ZNF385D: variants seen among roughly 807,000 people sequenced by gnomAD.
ZNF385D encodes the protein zinc finger protein 659.
In ZNF385D, 15 loss-of-function variants were observed where a neutral mutation model predicts 35.8. That is an observed-to-expected ratio of 0.42 (90% CI 0.28 to 0.64). The LOEUF is 0.64. Ranked by LOEUF, ZNF385D falls within the 30% of genes least tolerant of loss-of-function variation. The pLI is 0.23. For missense variants in ZNF385D, 474 were observed against 494.6 expected (o/e 0.96, Z 0.39); for synonymous variants, 212 against 186.8 (o/e 1.13, Z -1.10).
intron 2 of ZNF385D, among the ~76,000 whole-genome samples, chr3:22,201,466 G>A (rs553982814): frequency 1.5e-4 from 23 of 152,088 alleles, no homozygotes; most frequent in South Asian, 8.3e-4. Context: ...TCTTTTATAC[G>A]TCGGAAATAA....
intron 3 of ZNF385D, among the ~76,000 whole-genome samples, chr3:22,026,522 A>G (rs1697562305): frequency 6.6e-6 from 1 of 152,262 alleles, no homozygotes; most frequent in South Asian, 2.1e-4. Context: ...GACTTATGGA[A>G]GTCAGACAAT....
At chr3:21,844,233 G>A (rs1269572702) in intron 3 of ZNF385D, among the ~76,000 whole-genome samples, 3 of 151,852 alleles carry the variant, frequency 2.0e-5, no homozygotes, top group Non-Finnish European at 4.4e-5. Flanking sequence ...AAGAGAGGAG[G>A]GTTTTTGTTA....
intron 3 of ZNF385D, among the ~76,000 whole-genome samples, chr3:22,046,917 T>C (rs925708665): frequency 6.6e-6 from 1 of 152,136 alleles, no homozygotes; most frequent in Non-Finnish European, 1.5e-5. Context: ...TACTATACTA[T>C]ATAAGATTCA....
chr3:22,032,761 T>C (rs751501772), intron 3 of ZNF385D, among the ~76,000 whole-genome samples: 1 of 152,174 alleles, frequency 6.6e-6, no homozygotes, highest in Non-Finnish European at 1.5e-5. Flanking sequence ...TCACGATTAA[T>C]AATACTAATG....
chr3:22,283,516 C>G (rs903158192), intron 2 of ZNF385D, among the ~76,000 whole-genome samples: 2 of 152,214 alleles, frequency 1.3e-5, no homozygotes, highest in Non-Finnish European at 1.5e-5. Flanking sequence ...TAATTCATGT[C>G]TCTTTCAGTT....
chr3:21,565,623 C>G (rs906283182), intron 2 of ZNF385D, among the ~76,000 whole-genome samples: 1 of 152,118 alleles, frequency 6.6e-6, no homozygotes, highest in Admixed American at 6.6e-5. Context: ...TGTGATAATT[C>G]ATGAAATTTA....
At chr3:22,186,062 C>G (rs746363553) in intron 2 of ZNF385D, among the ~76,000 whole-genome samples, 1 of 152,108 alleles carries the variant, frequency 6.6e-6, no homozygotes, top group Non-Finnish European at 1.5e-5. Context: ...TGGACAAACA[C>G]TCACACACTC....
chr3:22,219,591 A>C (rs1323344990), intron 2 of ZNF385D, among the ~76,000 whole-genome samples: 1 of 152,170 alleles, frequency 6.6e-6, no homozygotes, highest in Admixed American at 6.5e-5. Flanking sequence ...CCTCATCTGA[A>C]ACCCGTAGGA....
Position 22,246,314 on chromosome 3 carries a change from G to T in ZNF385D, c.107-77279C>A, listed in dbSNP as rs79842010. Reference sequence around the variant, plus strand: ...TAGAAGGATGGCACGCAAATTTTTTGGTTGACCTCTGTCTACTCTGAAGCA... The same window carrying T: ...TAGAAGGATGGCACGCAAATTTTTTTGTTGACCTCTGTCTACTCTGAAGCA... On this transcript the variant is annotated intron_variant, in intron 2 of 5. Coordinates refer to the ZNF385D transcript ENST00000494108. Among the ~76,000 whole-genome samples the T allele has an allele frequency of 6.0e-3, 908 of 152,036 alleles. 6 individuals carry two copies. Among genetic ancestry groups the T allele is most frequent in the African/African-American group, 0.021 (859 of 41,490 alleles).
At chr3:22,083,082 C>T (rs983663324) in intron 3 of ZNF385D, among the ~76,000 whole-genome samples, 11 of 152,208 alleles carry the variant, frequency 7.2e-5, no homozygotes, top group Non-Finnish European at 1.2e-4. Context: ...AGGTCACCAT[C>T]ATCAAAGACC....
intron 2 of ZNF385D, among the ~76,000 whole-genome samples, chr3:22,199,822 A>G (rs994741218): frequency 6.6e-6 from 1 of 152,150 alleles, no homozygotes; most frequent in Non-Finnish European, 1.5e-5. Flanking sequence ...TATGTGGTGT[A>G]TACGTAAAAT....
chr3:21,567,502 T>G (rs891536569), intron 2 of ZNF385D, among the ~76,000 whole-genome samples: 1 of 152,262 alleles, frequency 6.6e-6, no homozygotes, highest in East Asian at 1.9e-4. Context: ...TCTAGGATCA[T>G]TCTATCACAT....
chr3:22,030,284 T>TACAA (rs1697888883), intron 3 of ZNF385D, among the ~76,000 whole-genome samples: 9 of 98,576 alleles, frequency 9.1e-5, no homozygotes, highest in African/African-American at 3.6e-4. Context: ...TATATATATA[T>TACAA]ATATATATAT....
At chr3:21,574,060 C>CAA (rs57041075) in intron 2 of ZNF385D, among the ~76,000 whole-genome samples, 62,523 of 128,634 alleles carry the variant, frequency 0.49, 15,801 homozygotes, top group African/African-American at 0.66. Flanking sequence ...AACTCCGTCT[C>CAA]AAAAAAAAAA....
chr3:22,029,667 G>A (rs1402375378), intron 3 of ZNF385D, among the ~76,000 whole-genome samples: 5 of 151,926 alleles, frequency 3.3e-5, no homozygotes, highest in East Asian at 1.9e-4. Context: ...TCTTTATCAC[G>A]TGACATGAGA....
chr3:21,512,534 AT>A (rs1374252046), intron 3 of ZNF385D, among the ~76,000 whole-genome samples: 1 of 152,252 alleles, frequency 6.6e-6, no homozygotes, highest in Non-Finnish European at 1.5e-5. Flanking sequence ...CTAGCAAGAT[AT>A]CCTCAAAGGA....
chr3:21,847,237 G>A (rs1176031933), intron 3 of ZNF385D, among the ~76,000 whole-genome samples: 2 of 152,010 alleles, frequency 1.3e-5, no homozygotes, highest in African/African-American at 4.8e-5. Context: ...TAAAAGAGGT[G>A]CTACATGCAA....
intron 1 of ZNF385D, among the ~76,000 whole-genome samples, chr3:21,683,601 A>G (rs1275131169): frequency 6.7e-6 from 1 of 149,264 alleles, no homozygotes; most frequent in Non-Finnish European, 1.5e-5. Flanking sequence ...TGGGTGAGAG[A>G]GTGAGACTCC....
Position 22,273,820 on chromosome 3 carries a change from T to C in ZNF385D, c.106+98630A>G, listed in dbSNP as rs1213379009. 3.3e-5 allele frequency among the ~76,000 whole-genome samples: 5 copies of C among 152,048 alleles called. No homozygotes were observed. In the East Asian group the frequency reaches 9.7e-4, roughly 30 times the overall value. On this transcript the variant is annotated intron_variant, in intron 2 of 5. Coordinates refer to the ZNF385D transcript ENST00000494108. ...GAACTTCTACTGGACCAGCAGAGGT[T>C]ACATACAATTTGCACAATTATAGAA...
Sources: gnomAD v4.1 joint callset for allele counts (sites outside exome capture counted in the v4.1 genomes callset) on GRCh38, gnomAD v4.1.1 for gene constraint, MANE v1.5 for transcripts, NCBI Gene and HGNC (gene_info 2026-07-23, HGNC 2026-07-21) for gene names.